The following CPEB3 variants were observed in gnomAD, a reference collection of about 807,000 sequenced individuals.
CPEB3 encodes the protein cytoplasmic polyadenylation element binding protein 3.
CPEB3 carries 20 observed loss-of-function variants against 67.2 expected under a neutral mutation model. The observed-to-expected ratio is 0.30, with a 90% CI of 0.21 to 0.43. The LOEUF (loss-of-function observed/expected upper bound fraction) is 0.43. CPEB3 is among the 20% of genes least tolerant of loss of function. The probability of loss-of-function intolerance (pLI) is 1.00; values close to 1 mark genes in which losing one functional copy is unlikely to be tolerated. For synonymous variants in CPEB3, 376 were observed against 393.1 expected (o/e 0.96, Z 0.51); for missense variants, 746 against 968.6 (o/e 0.77, Z 3.05).
chr10:92,282,893 G>A (rs542661220), intron 1 of CPEB3, among the ~76,000 whole-genome samples: 331 of 152,254 alleles, frequency 2.2e-3, no homozygotes, highest in African/African-American at 7.4e-3. Context: ...TCAAGTTACT[G>A]AGACCTAGCC....
At chr10:92,275,671 T>A (rs940674184) in intron 1 of CPEB3, among the ~76,000 whole-genome samples, 1 of 152,118 alleles carries the variant, frequency 6.6e-6, no homozygotes, top group African/African-American at 2.4e-5. Context: ...ACAACTTAGT[T>A]GTCAACTCCA....
chr10:92,129,561 G>A (rs1845748785), intron 6 of CPEB3, among the ~76,000 whole-genome samples: 1 of 152,114 alleles, frequency 6.6e-6, no homozygotes, highest in African/African-American at 2.4e-5. Flanking sequence ...CATGTTCAAA[G>A]AGAACCAGAT....
intron 1 of CPEB3, among the ~76,000 whole-genome samples, chr10:92,262,577 T>G (rs1197540754): frequency 6.6e-6 from 1 of 152,076 alleles, no homozygotes; most frequent in African/African-American, 2.4e-5. Context: ...CAAGGCAAGG[T>G]AGCTCACGCC....
chr10:92,273,983 A>G (rs12251266), intron 1 of CPEB3, among the ~76,000 whole-genome samples: 2,046 of 152,286 alleles, frequency 0.013, 47 homozygotes, highest in African/African-American at 0.046. Context: ...AATTCTTCAG[A>G]AATTAATCAT....
At chr10:92,183,677 C>T (rs1274795402) in intron 3 of CPEB3, among the ~76,000 whole-genome samples, 1 of 152,172 alleles carries the variant, frequency 6.6e-6, no homozygotes, top group Non-Finnish European at 1.5e-5. Flanking sequence ...TTCAAAATCA[C>T]TGCCCATCAG....
intron 6 of CPEB3, among the ~76,000 whole-genome samples, chr10:92,121,873 A>G (rs1318540952): frequency 6.6e-6 from 1 of 152,148 alleles, no homozygotes. Context: ...CCTAAAGGGC[A>G]CTGCTCTAGC....
rs1385199378 is a variant in CPEB3, at chr10:92,246,320, C to T, written c.-11-5959G>A. 1.1e-4 allele frequency among the ~76,000 whole-genome samples: 16 copies of T among 147,730 alleles called. No individual in the cohort carries two copies. In the East Asian group the frequency reaches 2.6e-3, roughly 24 times the overall value. Reference sequence around the variant, plus strand: ...CTGCACTCCAGCCTGGGAGACAGAGCGAGACTCCGTCTCAAAAACAAAAAA... The same window carrying T: ...CTGCACTCCAGCCTGGGAGACAGAGTGAGACTCCGTCTCAAAAACAAAAAA... On this transcript the variant is annotated intron_variant, in intron 1 of 9. Transcript: ENST00000265997.
At chr10:92,210,658 T>C (rs554716497) in intron 2 of CPEB3, among the ~76,000 whole-genome samples, 21 of 152,354 alleles carry the variant, frequency 1.4e-4, no homozygotes, top group Non-Finnish European at 2.4e-4. Context: ...AATGGATATA[T>C]GATGACTTTA....
intron 2 of CPEB3, among the ~76,000 whole-genome samples, chr10:92,213,903 T>A (rs1228410823): frequency 1.3e-5 from 2 of 152,146 alleles, no homozygotes; most frequent in African/African-American, 2.4e-5. Context: ...ATGGTCACAT[T>A]TAAACTCCAG....
intron 4 of CPEB3, among the ~76,000 whole-genome samples, chr10:92,149,614 C>A (rs866014996): frequency 6.6e-6 from 1 of 152,066 alleles, no homozygotes; most frequent in Non-Finnish European, 1.5e-5. Context: ...AGAAATTTCC[C>A]AAGGTTTTAA....
At chr10:92,246,107 A>T (rs1421226316) in intron 1 of CPEB3, among the ~76,000 whole-genome samples, 2 of 151,770 alleles carry the variant, frequency 1.3e-5, no homozygotes, top group African/African-American at 4.8e-5. Context: ...AGGCCAAGGC[A>T]GGCGGATCAC....
In CPEB3 at chr10:92,052,207, G is replaced by A. The variant is rs768375683; in HGVS notation, c.*5C>T. The A allele has an allele frequency of 1.1e-5, 18 of 1,609,178 alleles. No individual in the cohort carries two copies. The highest frequency in any genetic ancestry group is 1.4e-5 in the Non-Finnish European group (17 of 1,176,894). On this transcript the variant is annotated 3_prime_UTR_variant, in exon 10 of 10. Transcript: ENST00000265997. ...CCAGTACTTGTGGCTGGGTCGGCCCGTGGCTCAGCTCCAGCGGAACGGGAC... is the reference window on the plus strand; with the variant it reads ...CCAGTACTTGTGGCTGGGTCGGCCCATGGCTCAGCTCCAGCGGAACGGGAC...
At chr10:92,263,250 A>G (rs551604265) in intron 1 of CPEB3, among the ~76,000 whole-genome samples, 2 of 152,164 alleles carry the variant, frequency 1.3e-5, no homozygotes, top group African/African-American at 4.8e-5. Flanking sequence ...AAATTTTTGT[A>G]TTTTTAGTAG....
intron 1 of CPEB3, among the ~76,000 whole-genome samples, chr10:92,274,855 G>A (rs924962796): frequency 1.5e-4 from 23 of 152,184 alleles, no homozygotes; most frequent in African/African-American, 4.1e-4. Context: ...AATAAATGTA[G>A]TTCCTTCTGA....
chr10:92,239,427 G>A lies in CPEB3; in HGVS notation c.924C>T (p.Arg308=), dbSNP rs752818301. Residue 308 remains arginine, a synonymous_variant, in exon 2 of 10, where the codon CGC becomes CGT. Coordinates refer to ENST00000265997, the MANE Select transcript of CPEB3 (RefSeq NM_014912.5). The surrounding 1 kb of genome is among the most constrained non-coding windows in gnomAD (Gnocchi z 6.0). ...SNVIAPPKFP[R]AAPLTSKSWM... ...AGGACTTGGAAGTGAGAGGGGCCGC[G>A]CGAGGGAACTTGGGCGGCGCGATCA... The A allele has an allele frequency of 1.4e-5, 23 of 1,602,914 alleles. No individual in the cohort carries two copies. Among genetic ancestry groups the A allele is most frequent in the Middle Eastern group, 1.7e-4 (1 of 5,976 alleles).
In CPEB3 at chr10:92,243,534, G is replaced by C. The variant is rs181010209; in HGVS notation, c.-11-3173C>G. Among the ~76,000 whole-genome samples the C allele has an allele frequency of 7.2e-5, 11 of 152,248 alleles. No individual in the cohort carries two copies. The East Asian group carries it at 1.7e-3, about 24-fold the overall frequency. On this transcript the variant is annotated intron_variant, in intron 1 of 9. Transcript: ENST00000265997. ...AGCCAGGATAAAGGGAAACTGAATT[G>C]TAGTATTCAGAATAAATAAACCAAG...
At chr10:92,284,494 T>TC (rs1341709183) in intron 1 of CPEB3, among the ~76,000 whole-genome samples, 8 of 152,180 alleles carry the variant, frequency 5.3e-5, no homozygotes, top group African/African-American at 1.9e-4. Context: ...AGATCTCCTT[T>TC]CTGTTTCAGT....
At chr10:92,075,762 A>C (rs564611984) in intron 9 of CPEB3, among the ~76,000 whole-genome samples, 2 of 152,346 alleles carry the variant, frequency 1.3e-5, no homozygotes, top group South Asian at 4.1e-4. Context: ...AGAAGAAATC[A>C]AATCTATAAA....
In CPEB3 at chr10:92,239,878, G is replaced by T. The variant is rs763681074; in HGVS notation, c.473C>A (p.Ala158Glu). The change falls in exon 2 of 10, where the codon GCG becomes GAG. Residue 158 changes from alanine (A) to glutamate (E), a missense_variant. Around this residue, in one of 2 missense-constraint regions of CPEB3, gnomAD observed 643 missense variants for 717.5 expected, o/e 0.90. Transcript: ENST00000265997. This position sits in a 1 kb window ranked among gnomAD's most constrained non-coding sequence, Gnocchi z 6.0. Reference sequence around the variant, plus strand: ...CGGCTGCTGGTGGTGCTGGGTCTGCGCCAGGCCGATCTGCGGGGAGAAAGT... The same window carrying T: ...CGGCTGCTGGTGGTGCTGGGTCTGCTCCAGGCCGATCTGCGGGGAGAAAGT... The part of the protein sequence containing the change: ...GGTFSPQIGL[A>E]QTQHHQQPPP... The T allele has an allele frequency of 3.1e-6, 5 of 1,608,822 alleles. No homozygotes were observed. Among genetic ancestry groups the T allele is most frequent in the Non-Finnish European group, 4.2e-6 (5 of 1,178,062 alleles).
Sources: gnomAD v4.1 joint callset for allele counts (sites outside exome capture counted in the v4.1 genomes callset) on GRCh38, gnomAD v4.1.1 for gene constraint, gnomAD v4.1.1 regional missense constraint, Gnocchi (gnomAD v3.1) non-coding constraint, MANE v1.5 for transcripts, NCBI Gene and HGNC (gene_info 2026-07-23, HGNC 2026-07-21) for gene names.